Variants in CPNE4 observed in about 807,000 individuals in gnomAD.
CPNE4 encodes the protein copine 4, also known as copine-4.
CPNE4 carries 25 observed loss-of-function variants against 67.9 expected under a neutral mutation model. That is an observed-to-expected ratio of 0.37 (90% CI 0.27 to 0.51). The LOEUF is 0.51. CPNE4 is among the 20% of genes least tolerant of loss of function. The pLI, the probability that CPNE4 is intolerant of heterozygous loss-of-function variation, is 0.93. For missense variants in CPNE4, 464 were observed against 690.8 expected, an observed-to-expected ratio of 0.67 and a Z score of 3.68; for synonymous variants, 242 against 244.9, an observed-to-expected ratio of 0.99 and a Z score of 0.11.
At chr3:131,896,052 T>A (rs1054254929) in intron 2 of CPNE4, among the ~76,000 whole-genome samples, 1 of 151,280 alleles carries the variant, frequency 6.6e-6, no homozygotes, top group Admixed American at 6.6e-5. Context: ...AAAAAAAAAA[T>A]CTCAAATACA....
chr3:131,975,689 T>C (rs1010041262), intron 1 of CPNE4, among the ~76,000 whole-genome samples: 1 of 152,240 alleles, frequency 6.6e-6, no homozygotes, highest in Non-Finnish European at 1.5e-5. Flanking sequence ...TACCAGTTGC[T>C]ATCCTAAGGG....
intron 2 of CPNE4, among the ~76,000 whole-genome samples, chr3:131,807,729 C>T (rs2107931091): frequency 6.6e-6 from 1 of 152,112 alleles, no homozygotes; most frequent in South Asian, 2.1e-4. Context: ...AATTATTTCC[C>T]CACGTTCTCA....
At chr3:131,992,318 T>G (rs2073189911) in intron 1 of CPNE4, among the ~76,000 whole-genome samples, 1 of 136,898 alleles carries the variant, frequency 7.3e-6, no homozygotes, top group East Asian at 2.4e-4. Context: ...GCCCACCTCT[T>G]CCATTAGTAT....
At chr3:131,874,262 G>C (rs1429568692) in intron 2 of CPNE4, among the ~76,000 whole-genome samples, 1 of 151,954 alleles carries the variant, frequency 6.6e-6, no homozygotes, top group Non-Finnish European at 1.5e-5. Flanking sequence ...CTAATTTTTT[G>C]TATTTTCAGT....
chr3:131,974,385 A>C (rs1031203380), intron 1 of CPNE4, among the ~76,000 whole-genome samples: 1 of 152,202 alleles, frequency 6.6e-6, no homozygotes, highest in Non-Finnish European at 1.5e-5. Context: ...ATATACATAC[A>C]ATGTGCACAT....
chr3:132,038,616 C>T (rs946909760), upstream of CPNE4, among the ~76,000 whole-genome samples: 7 of 152,174 alleles, frequency 4.6e-5, 1 homozygote, highest in South Asian at 1.4e-3. Flanking sequence ...AGTTGTCCCT[C>T]TGAGCCTCAG....
Position 131,654,494 on chromosome 3 carries a change from C to T in CPNE4, c.681+15181G>A, listed in dbSNP as rs1444132314. Among the ~76,000 whole-genome samples, 3 of 152,104 alleles carry T rather than the reference C, an allele frequency of 2.0e-5. No homozygotes were observed. The East Asian group carries it at 5.8e-4, about 29-fold the overall frequency. ...GCTTCCACTTACAAGTGAGAACATG[C>T]AGTATTTGGTTTTCTGTTTCTGTGT... On this transcript the variant is annotated intron_variant, in intron 7 of 15. Transcript: ENST00000429747.
intron 2 of CPNE4, among the ~76,000 whole-genome samples, chr3:131,775,954 C>T (rs570346826): frequency 0.011 from 1,680 of 152,248 alleles, 28 homozygotes; most frequent in African/African-American, 0.038. Flanking sequence ...CCCCTGGCTT[C>T]CTAAGCCCTC....
chr3:131,618,290 A>C (rs1025893332), intron 7 of CPNE4, among the ~76,000 whole-genome samples: 1 of 152,184 alleles, frequency 6.6e-6, no homozygotes, highest in Non-Finnish European at 1.5e-5. Flanking sequence ...AATTGTGTAC[A>C]TTTAGGAGGT....
At chr3:132,026,888 T>A (rs1015942355) in intron 1 of CPNE4, among the ~76,000 whole-genome samples, 3 of 151,026 alleles carry the variant, frequency 2.0e-5, no homozygotes, top group Non-Finnish European at 4.4e-5. Flanking sequence ...AGGGACAGGT[T>A]TAGTAATTTC....
intron 2 of CPNE4, among the ~76,000 whole-genome samples, chr3:131,893,720 G>C (rs965322398): frequency 6.6e-6 from 1 of 151,810 alleles, no homozygotes; most frequent in Non-Finnish European, 1.5e-5. Flanking sequence ...CAACCAATGG[G>C]TCAATGAAGA....
chr3:132,013,765 G>A (rs547442874), intron 1 of CPNE4, among the ~76,000 whole-genome samples: 32 of 152,216 alleles, frequency 2.1e-4, no homozygotes, highest in Admixed American at 1.6e-3. Flanking sequence ...CTGGGAACTC[G>A]TATTATTATT....
At chr3:132,033,687 A>C (rs1426949615) in intron 1 of CPNE4, among the ~76,000 whole-genome samples, 1 of 152,252 alleles carries the variant, frequency 6.6e-6, no homozygotes, top group African/African-American at 2.4e-5. Flanking sequence ...AGAATGGGAA[A>C]TAGGGCCTTA....
intron 1 of CPNE4, among the ~76,000 whole-genome samples, chr3:132,022,188 G>A (rs6766648): frequency 0.025 from 3,827 of 152,316 alleles, 163 homozygotes; most frequent in African/African-American, 0.086. Flanking sequence ...TCCCTGGGCA[G>A]GGGTAGGTAA....
intron 1 of CPNE4, among the ~76,000 whole-genome samples, chr3:131,967,558 A>G (rs1400092798): frequency 1.3e-5 from 2 of 152,196 alleles, no homozygotes; most frequent in African/African-American, 4.8e-5. Context: ...CAAAAATCAC[A>G]AGCATTCCTA....
intron 7 of CPNE4, among the ~76,000 whole-genome samples, chr3:131,660,464 TAAG>T (rs1199942340): frequency 2.6e-5 from 4 of 152,024 alleles, no homozygotes; most frequent in African/African-American, 9.7e-5. Flanking sequence ...GGACTGAAAA[TAAG>T]AAGGAGGCTT....
At chr3:132,031,159 T>C (rs577485621) in intron 1 of CPNE4, among the ~76,000 whole-genome samples, 1 of 152,320 alleles carries the variant, frequency 6.6e-6, no homozygotes, top group African/African-American at 2.4e-5. Context: ...TATTATTACA[T>C]GTTGGAAGAT....
chr3:131,610,102 T>C (rs527377235), intron 7 of CPNE4, among the ~76,000 whole-genome samples: 2 of 152,268 alleles, frequency 1.3e-5, no homozygotes, highest in African/African-American at 4.8e-5. Flanking sequence ...CCCCCTCTCC[T>C]TTCCTTTTTC....
At position 131,854,669 on chromosome 3, in the gene CPNE4, A is replaced by T. The variant is rs924685814; in HGVS notation, c.180+50595T>A. ...TCTACATTATCCATTCTATTACCAA[A>T]ATAAAAAATTATTCAACATCTTTAG... is the stretch of plus-strand genomic sequence containing the variant. On this transcript the variant is annotated intron_variant, in intron 2 of 15. Coordinates refer to ENST00000429747, the MANE Select transcript of CPNE4 (RefSeq NM_130808.3). Among the ~76,000 whole-genome samples the T allele has an allele frequency of 9.2e-5, 14 of 151,972 alleles. No individual in the cohort carries two copies. The South Asian group carries it at 2.9e-3, about 32-fold the overall frequency.
Sources: gnomAD v4.1 joint callset for allele counts (sites outside exome capture counted in the v4.1 genomes callset) on GRCh38, gnomAD v4.1.1 for gene constraint, MANE v1.5 for transcripts, NCBI Gene and HGNC (gene_info 2026-07-23, HGNC 2026-07-21) for gene names.